Variants in CARMIL1 observed in about 807,000 individuals in gnomAD.
The protein encoded by CARMIL1 is capping protein regulator and myosin 1 linker 1.
In CARMIL1, 90 loss-of-function variants were observed where a neutral mutation model predicts 177.1. The observed-to-expected ratio is 0.51, with a 90% CI of 0.43 to 0.61. The LOEUF is 0.61. CARMIL1 is among the 20% of genes least tolerant of loss of function. The probability of loss-of-function intolerance (pLI) is 0.00; values close to 1 mark genes in which losing one functional copy is unlikely to be tolerated. For missense variants in CARMIL1, 1,380 were observed against 1,667.0 expected (o/e 0.83, Z 3.00); for synonymous variants, 577 against 606.2 (o/e 0.95, Z 0.71).
intron 4 of CARMIL1, among the ~76,000 whole-genome samples, chr6:25,431,263 AGTGTGT>A (rs71717418): frequency 2.8e-4 from 41 of 148,778 alleles, no homozygotes; most frequent in African/African-American, 4.1e-4. Context: ...CTACAAAGAA[AGTGTGT>A]GTGTGTGTGT....
intron 29 of CARMIL1, among the ~76,000 whole-genome samples, chr6:25,561,001 G>T (rs1251910501): frequency 6.6e-6 from 1 of 152,122 alleles, no homozygotes; most frequent in Non-Finnish European, 1.5e-5. Flanking sequence ...ATGTTATTTT[G>T]TTGGTGACAA....
intron 3 of CARMIL1, among the ~76,000 whole-genome samples, chr6:25,423,775 T>C (rs12153885): frequency 1.7e-4 from 26 of 152,182 alleles, no homozygotes; most frequent in African/African-American, 6.3e-4. Flanking sequence ...GTTAAGTTTT[T>C]CCTCTTATCT....
At chr6:25,435,665 T>A in intron 5 of CARMIL1, 61 bp downstream of exon 5, 1 of 1,502,672 alleles carries the variant, frequency 6.7e-7, no homozygotes. Context: ...AAACGGCAAA[T>A]ACAACAATGC....
At chr6:25,316,030 C>G (rs1784245620) in intron 2 of CARMIL1, among the ~76,000 whole-genome samples, 1 of 152,176 alleles carries the variant, frequency 6.6e-6, no homozygotes. Flanking sequence ...AATGTTATGA[C>G]TTGGTCACAG....
At chr6:25,571,586 C>T (rs1310480401) in intron 29 of CARMIL1, among the ~76,000 whole-genome samples, 3 of 151,824 alleles carry the variant, frequency 2.0e-5, no homozygotes. Context: ...TAATACTTTA[C>T]AATTAGTACT....
chr6:25,591,285 C>T (rs1342019728), intron 31 of CARMIL1, among the ~76,000 whole-genome samples: 1 of 152,198 alleles, frequency 6.6e-6, no homozygotes, highest in Non-Finnish European at 1.5e-5. Context: ...TTAGTCCTCA[C>T]GATCACCAGC....
At chr6:25,481,958 T>A (rs1802156043) in intron 11 of CARMIL1, among the ~76,000 whole-genome samples, 1 of 152,192 alleles carries the variant, frequency 6.6e-6, no homozygotes, top group African/African-American at 2.4e-5. Context: ...CCAAGAGGAT[T>A]TGCATTTTAA....
intron 2 of CARMIL1, among the ~76,000 whole-genome samples, chr6:25,373,328 G>T (rs549603968): frequency 6.7e-6 from 1 of 149,754 alleles, no homozygotes; most frequent in East Asian, 2.0e-4. Context: ...AGTTTCAGCA[G>T]ATTGGTACCA....
At chr6:25,481,148 C>T (rs995309996) in intron 11 of CARMIL1, among the ~76,000 whole-genome samples, 1 of 151,660 alleles carries the variant, frequency 6.6e-6, no homozygotes, top group Non-Finnish European at 1.5e-5. Flanking sequence ...CAAGGCTGCC[C>T]TCTTTTTGTA....
chr6:25,342,683 T>C (rs78607262), intron 2 of CARMIL1, among the ~76,000 whole-genome samples: 3,359 of 152,270 alleles, frequency 0.022, 120 homozygotes, highest in African/African-American at 0.071. Flanking sequence ...AAGTTTCATT[T>C]TCATCTTATT....
chr6:25,550,424 A>G (rs188053462), intron 26 of CARMIL1, among the ~76,000 whole-genome samples: 2 of 152,266 alleles, frequency 1.3e-5, no homozygotes, highest in East Asian at 3.9e-4. Flanking sequence ...TTTTTCTGCT[A>G]CTGCTGTTTT....
intron 2 of CARMIL1, among the ~76,000 whole-genome samples, chr6:25,345,110 T>C (rs1222715423): frequency 6.6e-6 from 1 of 152,120 alleles, no homozygotes; most frequent in African/African-American, 2.4e-5. Context: ...TCACTGGCAT[T>C]GTGCTTTTCG....
chr6:25,452,002 C>G lies in CARMIL1; in HGVS notation c.614+1291C>G, dbSNP rs758138411. ...TAGCATCTTGCCCCCCCCTCCCCCCCCCAGAATACTGTTTTGAATTATTTT... is the reference window on the plus strand; with the variant it reads ...TAGCATCTTGCCCCCCCCTCCCCCCGCCAGAATACTGTTTTGAATTATTTT... On this transcript the variant is annotated intron_variant, in intron 8 of 36. Coordinates refer to ENST00000329474, the MANE Select transcript of CARMIL1 (RefSeq NM_017640.6). 2.2e-4 allele frequency: 58 copies of G among 258,932 alleles called. 1 individual carries two copies. The highest frequency in any genetic ancestry group is 1.2e-3 in the South Asian group (32 of 25,616). The allele number at this position is 258,932 out of a possible 1,614,324, so 16.0% of individuals were successfully genotyped here. A position where few individuals can be genotyped will look rare whatever the true frequency, so the allele number is the denominator to read the frequency against.
At position 25,509,830 on chromosome 6, in the gene CARMIL1, G is replaced by T. The variant is rs4559085; in HGVS notation, c.1477+93G>T. 3 of 842,430 alleles carry T rather than the reference G, an allele frequency of 3.6e-6. No homozygotes were observed. Among genetic ancestry groups the T allele is most frequent in the Non-Finnish European group, 5.6e-6 (3 of 534,648 alleles). The allele number at this position is 842,430 out of a possible 1,614,324, so 52.2% of individuals were successfully genotyped here. Reference sequence around the variant, plus strand: ...ATCTTCTACCCAAATCCAAACAATAGCTTAATAAAAAAATTGTTTTTTATT... The same window carrying T: ...ATCTTCTACCCAAATCCAAACAATATCTTAATAAAAAAATTGTTTTTTATT... On this transcript the variant is annotated intron_variant, in intron 18 of 36. Coordinates refer to ENST00000329474, the MANE Select transcript of CARMIL1 (RefSeq NM_017640.6). This position sits in a 1 kb window ranked among gnomAD's most constrained non-coding sequence, Gnocchi z 4.1.
At chr6:25,338,949 T>TA (rs11431368) in intron 2 of CARMIL1, among the ~76,000 whole-genome samples, 65,008 of 151,808 alleles carry the variant, frequency 0.43, 14,102 homozygotes, top group African/African-American at 0.51. Context: ...AATCCTCCTA[T>TA]GAGGGTCCCT....
intron 2 of CARMIL1, among the ~76,000 whole-genome samples, chr6:25,353,452 C>T (rs1482254639): frequency 6.6e-6 from 1 of 152,194 alleles, no homozygotes; most frequent in Non-Finnish European, 1.5e-5. Flanking sequence ...TTCCTGATCT[C>T]TTGCCATGTG....
At chr6:25,535,286 G>C (rs1039137621) in intron 24 of CARMIL1, among the ~76,000 whole-genome samples, 2 of 152,120 alleles carry the variant, frequency 1.3e-5, no homozygotes, top group African/African-American at 4.8e-5. Flanking sequence ...AACTGTGTCA[G>C]CGTAGGCATG....
At position 25,616,896 on chromosome 6, in the gene CARMIL1, T is replaced by A. The variant is rs117970053; in HGVS notation, c.3980-2551T>A. On this transcript the variant is annotated intron_variant, in intron 36 of 36. Transcript: ENST00000329474. ...ATCACATTAATTGCATAACTTTAGG[T>A]CCTTGATCTCGCTATGCCTTAGTTT... is the stretch of plus-strand genomic sequence containing the variant. 5.8e-3 allele frequency among the ~76,000 whole-genome samples: 878 copies of A among 152,282 alleles called. 27 individuals carry two copies. In the East Asian group the frequency reaches 0.082, roughly 14 times the overall value.
intron 22 of CARMIL1, among the ~76,000 whole-genome samples, chr6:25,518,758 T>G (rs1050708400): frequency 6.6e-6 from 1 of 152,328 alleles, no homozygotes; most frequent in Admixed American, 6.5e-5. Context: ...TTGGACTCCC[T>G]TGATCACAGT....
Sources: allele counts gnomAD v4.1 joint callset (sites outside exome capture counted in the v4.1 genomes callset), GRCh38; gene constraint gnomAD v4.1.1; non-coding constraint Gnocchi (gnomAD v3.1); transcripts MANE v1.5; gene names NCBI Gene and HGNC (gene_info 2026-07-23, HGNC 2026-07-21).